The following SLFN11 variants were observed in gnomAD, a reference collection of about 807,000 sequenced individuals.
SLFN11 encodes schlafen family member 11.
A neutral mutation model predicts 53.4 loss-of-function variants in SLFN11; 43 were observed. The observed-to-expected ratio is 0.80, with a 90% CI of 0.63 to 1.04. The LOEUF is 1.04. Ranked by LOEUF, SLFN11 falls within the 50% of genes least tolerant of loss-of-function variation. SLFN11 has a pLI of 0.00. For synonymous variants in SLFN11, 389 were observed against 394.7 expected (o/e 0.99, Z 0.17); for missense variants, 990 against 1,079.1 (o/e 0.92, Z 1.16).
chr17:35,372,978 C>T (rs1288152711), intron 1 of SLFN11, among the ~76,000 whole-genome samples: 1 of 152,066 alleles, frequency 6.6e-6, no homozygotes, highest in Non-Finnish European at 1.5e-5. Context: ...AATGGCAATT[C>T]TAATTCTGCC....
rs773714294 is a variant in SLFN11, at chr17:35,363,182, T to G, written c.626A>C (p.Glu209Ala). ...CTGTTTAAACTCTACTAACTGAGAC[T>G]CAGGAAAAGGCAGGATTTCACCATA... is the stretch of plus-strand genomic sequence containing the variant. ...LEYGEILPFP[E>A]SQLVEFKQFS... Residue 209 changes from glutamate (E) to alanine (A), a missense_variant, in exon 4 of 7, where the codon GAG (glutamate) becomes GCG (alanine). Glu to Ala is a moderately radical substitution (Grantham distance 107). This residue lies in a region of SLFN11 where 521 missense variants were observed against 516.2 expected (regional missense o/e 1.01). Coordinates refer to ENST00000685675, the MANE Select transcript of SLFN11 (RefSeq NM_001376007.1). 6.2e-7 allele frequency: 1 copy of G among 1,614,052 alleles called. No homozygotes were observed. Among genetic ancestry groups the G allele is most frequent in the Non-Finnish European group, 8.5e-7 (1 of 1,179,998 alleles).
chr17:35,354,235 T>C (rs1281353565), intron 5 of SLFN11, among the ~76,000 whole-genome samples, 176 bp from the exon 6 acceptor site: 1 of 152,082 alleles, frequency 6.6e-6, no homozygotes, highest in Non-Finnish European at 1.5e-5. Context: ...GAATATCTGG[T>C]ATACTTCATC....
chr17:35,361,290 G>A (rs1385253160), intron 4 of SLFN11, among the ~76,000 whole-genome samples: 1 of 152,114 alleles, frequency 6.6e-6, no homozygotes, highest in Admixed American at 6.5e-5. Context: ...TAGGAGCAGA[G>A]GGGTAGAGCA....
chr17:35,352,282 A>G lies in SLFN11; in HGVS notation c.*74T>C. The G allele has an allele frequency of 2.6e-6, 4 of 1,542,440 alleles. No individual in the cohort carries two copies. The highest frequency in any genetic ancestry group is 3.5e-6 in the Non-Finnish European group (4 of 1,136,376). ...CGTCCAAATCTCTGACTTGTGAACT[A>G]AAAAGAAAGGTTTCTACCATCAGCA... is the stretch of plus-strand genomic sequence containing the variant. On this transcript the variant is annotated 3_prime_UTR_variant, in exon 7 of 7. Coordinates refer to ENST00000685675, the MANE Select transcript of SLFN11 (RefSeq NM_001376007.1).
Position 35,352,365 on chromosome 17 carries a change from A to G in SLFN11, c.2697T>C (p.Gly899=). 6.2e-7 allele frequency: 1 copy of G among 1,613,542 alleles called. No individual in the cohort carries two copies. Among genetic ancestry groups the G allele is most frequent in the African/African-American group, 1.3e-5 (1 of 75,034 alleles). The stretch of plus-strand genomic sequence containing the variant: ...TGATTTGGAGTTCTTCCTAATGGCC[A>G]CCCCACGGAAAAATATACAGGTGTT... ...AKQHLYIFPW[G]GH The change falls in exon 7 of 7, where the codon GGT becomes GGC. Residue 899 remains glycine, a synonymous_variant. Coordinates refer to ENST00000685675, the MANE Select transcript of SLFN11 (RefSeq NM_001376007.1).
At chr17:35,357,165 T>A (rs7216624) in intron 5 of SLFN11, among the ~76,000 whole-genome samples, 20,078 of 151,164 alleles carry the variant, frequency 0.13, 2,599 homozygotes, top group African/African-American at 0.34. Flanking sequence ...TGTGTGTGTG[T>A]GTGTGTGTGT....
intron 5 of SLFN11, among the ~76,000 whole-genome samples, chr17:35,359,343 T>C (rs1487055884): frequency 1.3e-5 from 2 of 152,242 alleles, no homozygotes; most frequent in South Asian, 4.1e-4. Context: ...TGTAAATGAA[T>C]GCAAGGACCT....
Position 35,352,285 on chromosome 17 carries a change from A to C in SLFN11, c.*71T>G. 1 of 1,550,682 alleles carries C rather than the reference A, an allele frequency of 6.4e-7. No individual in the cohort carries two copies. Among genetic ancestry groups the C allele is most frequent in the African/African-American group, 1.4e-5 (1 of 73,204 alleles). ...CCAAATCTCTGACTTGTGAACTAAAAAGAAAGGTTTCTACCATCAGCAGAC... is the reference window on the plus strand; with the variant it reads ...CCAAATCTCTGACTTGTGAACTAAACAGAAAGGTTTCTACCATCAGCAGAC... On this transcript the variant is annotated 3_prime_UTR_variant, in exon 7 of 7. Coordinates refer to ENST00000685675, the MANE Select transcript of SLFN11 (RefSeq NM_001376007.1).
chr17:35,359,649 C>T (rs1209305557), intron 5 of SLFN11, among the ~76,000 whole-genome samples: 1 of 152,086 alleles, frequency 6.6e-6, no homozygotes, highest in Admixed American at 6.6e-5. Flanking sequence ...GTCCTAAACC[C>T]AAAACATGGG....
Position 35,363,477 on chromosome 17 carries a change from T to G in SLFN11, c.331A>C (p.Ser111Arg). Residue 111 changes from serine to arginine, a missense_variant, in exon 4 of 7, where the codon AGC becomes CGC. This residue lies in a region of SLFN11 where 521 missense variants were observed against 516.2 expected (regional missense o/e 1.01). Coordinates refer to ENST00000685675, the MANE Select transcript of SLFN11 (RefSeq NM_001376007.1). ...RCFYIFVKSW[S>R]SGPFPEDRSV... ...CGATCTTCAGGGAAAGGGCCACTGC[T>G]CCAAGATTTAACAAAAATGTAAAAA... The G allele has an allele frequency of 6.2e-7, 1 of 1,613,964 alleles. No homozygotes were observed.
rs1444376166 is a variant in SLFN11, at chr17:35,351,300, T to C, written c.*1056A>G. The C allele has an allele frequency of 3.9e-5, 6 of 152,130 alleles. No homozygotes were observed. In the East Asian group the frequency reaches 1.2e-3, roughly 29 times the overall value. 9.4% of individuals were successfully genotyped at this position (152,130 alleles called of 1,614,324 possible). On this transcript the variant is annotated 3_prime_UTR_variant, in exon 7 of 7. Coordinates refer to ENST00000685675, the MANE Select transcript of SLFN11 (RefSeq NM_001376007.1). ...AGCAGATCAGAGCCCCACCATGACT[T>C]CATGTAACCTTAATTACTTCCTTAG...
intron 5 of SLFN11, chr17:35,359,879 A>G (rs911376737): frequency 2.1e-5 from 4 of 189,408 alleles, no homozygotes; most frequent in Non-Finnish European, 4.3e-5. Flanking sequence ...TGAGAAAAGT[A>G]CATATTGCAA....
intron 5 of SLFN11, among the ~76,000 whole-genome samples, chr17:35,359,027 A>G (rs1907866695): frequency 6.6e-6 from 1 of 152,116 alleles, no homozygotes; most frequent in African/African-American, 2.4e-5. Flanking sequence ...CAAAAAGAAA[A>G]AAAGACTTGG....
rs1567824535 is a variant in SLFN11, at chr17:35,363,427, G to A, written c.381C>T (p.Ser127=). 1 of 1,613,924 alleles carries A rather than the reference G, an allele frequency of 6.2e-7. No homozygotes were observed. Among genetic ancestry groups the A allele is most frequent in the Non-Finnish European group, 8.5e-7 (1 of 1,179,966 alleles). Reference sequence around the variant, plus strand: ...ATCTACGGTATAATGAAGAACTGAGGCTGCAAAGGCGGGGCTTGACAGAGC... The same window carrying A: ...ATCTACGGTATAATGAAGAACTGAGACTGCAAAGGCGGGGCTTGACAGAGC... ...EDRSVKPRLC[S]LSSSLYRRSE... The change falls in exon 4 of 7, where the codon AGC becomes AGT. Residue 127 remains serine (S), a synonymous_variant. Transcript: ENST00000685675.
intron 4 of SLFN11, 151 bp downstream of exon 4, chr17:35,362,588 T>C: frequency 3.4e-6 from 2 of 593,652 alleles, no homozygotes; most frequent in Admixed American, 7.5e-5. Context: ...CAAAATTTTC[T>C]CATGTATGAA....
chr17:35,359,771 G>A (rs1198343888), intron 5 of SLFN11, among the ~76,000 whole-genome samples: 1 of 152,136 alleles, frequency 6.6e-6, no homozygotes, highest in Non-Finnish European at 1.5e-5. Context: ...TCTGGCAAGG[G>A]CAGGCAGTTT....
chr17:35,354,566 T>C (rs1487266366), intron 5 of SLFN11, among the ~76,000 whole-genome samples: 1 of 152,158 alleles, frequency 6.6e-6, no homozygotes, highest in Non-Finnish European at 1.5e-5. Flanking sequence ...AAAACCTTTG[T>C]TGGCAGCGAA....
intron 3 of SLFN11, among the ~76,000 whole-genome samples, chr17:35,365,874 A>C (rs1908894483): frequency 6.6e-6 from 1 of 150,470 alleles, no homozygotes; most frequent in Non-Finnish European, 1.5e-5. Flanking sequence ...GGAGAAAAGC[A>C]TAGTGAATAA....
intron 3 of SLFN11, among the ~76,000 whole-genome samples, chr17:35,366,231 G>A (rs1356323064): frequency 6.6e-6 from 1 of 151,978 alleles, no homozygotes; most frequent in Admixed American, 6.6e-5. Context: ...TGATAGGAAC[G>A]AAGTAAAAAG....
Sources: gnomAD v4.1 joint callset for allele counts (sites outside exome capture counted in the v4.1 genomes callset) on GRCh38, gnomAD v4.1.1 for gene constraint, gnomAD v4.1.1 regional missense constraint, MANE v1.5 for transcripts, NCBI Gene and HGNC (gene_info 2026-07-23, HGNC 2026-07-21) for gene names.